The following RGSL1 variants were observed in gnomAD, a reference collection of about 807,000 sequenced individuals.
RGSL1 encodes regulator of G protein signaling protein-like.
A neutral mutation model predicts 124.7 loss-of-function variants in RGSL1; 97 were observed. The observed-to-expected ratio is 0.78, with a 90% CI of 0.66 to 0.92. The LOEUF (loss-of-function observed/expected upper bound fraction) is 0.92. Among genes scored for constraint, RGSL1 ranks in the 40% least tolerant of loss-of-function variants. RGSL1 has a pLI of 0.00. For missense variants in RGSL1, 1,233 were observed against 1,288.4 expected (o/e 0.96, Z 0.66); for synonymous variants, 424 against 438.1 (o/e 0.97, Z 0.40).
At chr1:182,506,281 G>T (rs1656799463) in intron 9 of RGSL1, among the ~76,000 whole-genome samples, 1 of 152,082 alleles carries the variant, frequency 6.6e-6, no homozygotes, top group Admixed American at 6.5e-5. Flanking sequence ...GTATATGTTA[G>T]TTAGGTGTAT....
At chr1:182,471,493 G>C in intron 4 of RGSL1, 1 of 377,660 alleles carries the variant, frequency 2.6e-6, no homozygotes, top group South Asian at 2.0e-5. Context: ...ATATAAACAT[G>C]TTTAATAATG....
chr1:182,523,827 G>A (rs913114770), intron 10 of RGSL1, among the ~76,000 whole-genome samples: 5 of 152,276 alleles, frequency 3.3e-5, no homozygotes, highest in East Asian at 1.9e-4. Flanking sequence ...ACAATGCAAG[G>A]CTGACCTTAA....
At chr1:182,450,660 A>AC in intron 1 of RGSL1, 1 of 189,040 alleles carries the variant, frequency 5.3e-6, no homozygotes, top group Non-Finnish European at 1.1e-5. Flanking sequence ...TCTCCTTAAG[A>AC]CTGTTTTGGC....
At chr1:182,556,304 G>T in intron 21 of RGSL1, 82 bp downstream of exon 21, 3 of 459,250 alleles carry the variant, frequency 6.5e-6, no homozygotes, top group Non-Finnish European at 1.2e-5. Flanking sequence ...TCTAGGTCTT[G>T]CTCCACATCT....
chr1:182,546,319 G>A (rs1222663478), intron 15 of RGSL1, among the ~76,000 whole-genome samples: 1 of 150,788 alleles, frequency 6.6e-6, no homozygotes, highest in African/African-American at 2.4e-5. Context: ...TTACTGTGAA[G>A]CAATTTAATC....
At chr1:182,556,801 T>C (rs1660892949) in intron 21 of RGSL1, among the ~76,000 whole-genome samples, 1 of 152,120 alleles carries the variant, frequency 6.6e-6, no homozygotes, top group African/African-American at 2.4e-5. Context: ...TTTAAATGAA[T>C]AGGCCTATTT....
intron 11 of RGSL1, among the ~76,000 whole-genome samples, chr1:182,529,546 T>C (rs1659010655): frequency 1.3e-5 from 2 of 152,126 alleles, no homozygotes; most frequent in African/African-American, 4.8e-5. Flanking sequence ...AAGTTGCAAA[T>C]AATGCAAAGT....
At chr1:182,494,406 A>G (rs1011325643) in intron 9 of RGSL1, among the ~76,000 whole-genome samples, 1 of 152,242 alleles carries the variant, frequency 6.6e-6, no homozygotes, top group Non-Finnish European at 1.5e-5. Flanking sequence ...CACTAGCCCC[A>G]TGTGGCCACT....
At chr1:182,503,857 C>T (rs1175280256) in intron 9 of RGSL1, among the ~76,000 whole-genome samples, 3 of 151,858 alleles carry the variant, frequency 2.0e-5, no homozygotes, top group African/African-American at 7.3e-5. Flanking sequence ...ATCAAAACAT[C>T]TTATGTATCC....
chr1:182,488,597 G>C (rs930578298), intron 7 of RGSL1: 1 of 431,370 alleles, frequency 2.3e-6, no homozygotes, highest in Non-Finnish European at 4.2e-6. Context: ...GTAGTGGCGG[G>C]CGCCTGTAGT....
chr1:182,554,646 T>C lies in RGSL1; in HGVS notation c.3150T>C (p.Thr1050=). 6.4e-7 allele frequency: 1 copy of C among 1,551,726 alleles called. No individual in the cohort carries two copies. ...CTTTAGCTTCATCAAGCAAACTTAC[T>C]CAGCCAAGACTCGTGGTATCTGCCA... ...SVQNSSSSKL[T]QPRLVVSAMQ... Residue 1050 remains threonine, a synonymous_variant, in exon 20 of 22, where the codon ACT becomes ACC. Coordinates refer to ENST00000294854, the MANE Select transcript of RGSL1 (RefSeq NM_001137669.2).
At chr1:182,475,706 C>T (rs1654237077) in intron 6 of RGSL1, among the ~76,000 whole-genome samples, 1 of 134,232 alleles carries the variant, frequency 7.4e-6, no homozygotes, top group African/African-American at 2.5e-5. Context: ...CATCTCCTGC[C>T]AGGACACCTC....
At chr1:182,469,326 A>G (rs1653622683) in intron 4 of RGSL1, among the ~76,000 whole-genome samples, 2 of 152,202 alleles carry the variant, frequency 1.3e-5, no homozygotes. Context: ...AACAAAGAGC[A>G]ACATGATTCA....
intron 6 of RGSL1, among the ~76,000 whole-genome samples, chr1:182,482,229 G>T (rs1654762021): frequency 1.3e-5 from 2 of 149,764 alleles, no homozygotes; most frequent in African/African-American, 4.9e-5. Flanking sequence ...TAGAAGGAAG[G>T]TACTCCCACA....
chr1:182,470,439 C>T (rs1312486629), intron 4 of RGSL1, among the ~76,000 whole-genome samples: 1 of 152,084 alleles, frequency 6.6e-6, no homozygotes, highest in Non-Finnish European at 1.5e-5. Flanking sequence ...ACATGCTGGA[C>T]ACATTTCCAC....
intron 4 of RGSL1, 83 bp from the exon 5 acceptor site, chr1:182,472,313 G>A: frequency 1.6e-6 from 2 of 1,263,212 alleles, no homozygotes; most frequent in South Asian, 3.4e-5. Flanking sequence ...GCTGGTGGGG[G>A]ATGTCAGTTG....
In RGSL1 at chr1:182,473,615, A is replaced by G. The variant is rs1378172327; in HGVS notation, c.504A>G (p.Ser168=). ...LNLSIWHPNQ[S]TTRREILSHM... ...TCTCCATCTGGCATCCCAACCAATC[A>G]ACCACTAGGAGGGAGATCCTGAGCC... The change falls in exon 6 of 22, where the codon TCA becomes TCG. Residue 168 remains serine, a synonymous_variant. Transcript: ENST00000294854. The G allele has an allele frequency of 5.8e-6, 9 of 1,550,210 alleles. No individual in the cohort carries two copies. Among genetic ancestry groups the G allele is most frequent in the Non-Finnish European group, 7.9e-6 (9 of 1,146,244 alleles).
chr1:182,462,071 T>G (rs980686511), intron 4 of RGSL1, among the ~76,000 whole-genome samples: 6 of 152,088 alleles, frequency 3.9e-5, no homozygotes, highest in African/African-American at 1.4e-4. Context: ...CATATTATAC[T>G]CTTGAATGCC....
At chr1:182,452,954 T>C (rs1199778500) in intron 1 of RGSL1, among the ~76,000 whole-genome samples, 2 of 152,164 alleles carry the variant, frequency 1.3e-5, no homozygotes, top group Non-Finnish European at 2.9e-5. Context: ...ATTATGAACT[T>C]TGGGTATGAC....
Sources: gnomAD v4.1 joint callset for allele counts (sites outside exome capture counted in the v4.1 genomes callset) on GRCh38, gnomAD v4.1.1 for gene constraint, MANE v1.5 for transcripts, NCBI Gene and HGNC (gene_info 2026-07-23, HGNC 2026-07-21) for gene names.